FAM200B: variants seen among roughly 807,000 people sequenced by gnomAD.
FAM200B encodes the protein zinc finger BED-type containing 11, also known as protein FAM200B.
In FAM200B, 32 loss-of-function variants were observed where a neutral mutation model predicts 33.1. The observed-to-expected ratio is 0.97, with a 90% CI of 0.73 to 1.30. The LOEUF (loss-of-function observed/expected upper bound fraction) is 1.30, where lower values mean the gene tolerates loss of function less well. Among genes scored for constraint, FAM200B ranks in the 50% most tolerant of loss-of-function variants. The probability of loss-of-function intolerance (pLI) is 0.00; values close to 1 mark genes in which losing one functional copy is unlikely to be tolerated. For missense variants in FAM200B, 741 were observed against 754.0 expected (o/e 0.98, Z 0.20); for synonymous variants, 240 against 264.8 (o/e 0.91, Z 0.91).
At chr4:15,668,580 G>C in the FAM200B span, among the ~76,000 whole-genome samples, 2 of 151,936 alleles carry the variant, frequency 1.3e-5, no homozygotes, top group Non-Finnish European at 2.9e-5. Context: ...AAAAAAGGAA[G>C]TATAAAAGAT....
intron 1 of FAM200B, among the ~76,000 whole-genome samples, chr4:15,682,614 A>T (rs1018106811): frequency 1.3e-5 from 2 of 152,194 alleles, no homozygotes; most frequent in Admixed American, 1.3e-4. Flanking sequence ...ACTCCACCTT[A>T]TTCATCTTAA....
chr4:15,654,426 T>C, the FAM200B span, among the ~76,000 whole-genome samples: 14 of 152,314 alleles, frequency 9.2e-5, no homozygotes, highest in Middle Eastern at 3.4e-3. Context: ...GCACCAATTA[T>C]GGGCCCAAAA....
chr4:15,666,956 C>T, the FAM200B span, among the ~76,000 whole-genome samples: 1 of 151,096 alleles, frequency 6.6e-6, no homozygotes. Context: ...TATATCAAAA[C>T]ATCACATTGT....
chr4:15,689,085 AT>A lies in FAM200B; in HGVS notation c.*138del. 2 of 720,430 alleles carry A rather than the reference AT, an allele frequency of 2.8e-6. No individual in the cohort carries two copies. The highest frequency in any genetic ancestry group is 4.0e-6 in the Non-Finnish European group (2 of 502,440). The allele number at this position is 720,430 out of a possible 1,614,324, so 44.6% of individuals were successfully genotyped here. ...AATTTTTGTTATATTTAATAAAATTATTTTATGTTCATTGAACAAAAATTTA... is the reference window on the plus strand; with the variant it reads ...AATTTTTGTTATATTTAATAAAATTATTTATGTTCATTGAACAAAAATTTA... On this transcript the variant is annotated 3_prime_UTR_variant, in exon 2 of 2. Transcript: ENST00000422728.
the FAM200B span, among the ~76,000 whole-genome samples, chr4:15,658,288 A>G: frequency 6.6e-5 from 10 of 152,332 alleles, no homozygotes; most frequent in African/African-American, 2.4e-4. Flanking sequence ...ACCAGAGTTG[A>G]TCCTTACTGT....
the FAM200B span, among the ~76,000 whole-genome samples, chr4:15,639,349 C>T: frequency 6.6e-6 from 1 of 152,176 alleles, no homozygotes; most frequent in African/African-American, 2.4e-5. Context: ...AACTGAACTC[C>T]ACCCAAACAG....
chr4:15,681,404 T>A (rs765783576), upstream of FAM200B: 5 of 173,412 alleles, frequency 2.9e-5, no homozygotes, highest in Non-Finnish European at 6.8e-5. Context: ...GGTTGTGGTG[T>A]GGCTGCTGCG....
At chr4:15,655,484 C>T in the FAM200B span, 15 of 743,870 alleles carry the variant, frequency 2.0e-5, no homozygotes, top group Non-Finnish European at 2.5e-5. Context: ...CGTGACCGGG[C>T]GCGCGCAGAG....
At chr4:15,654,600 G>T in the FAM200B span, among the ~76,000 whole-genome samples, 3 of 152,234 alleles carry the variant, frequency 2.0e-5, no homozygotes. Flanking sequence ...AAGAGTGAAG[G>T]TTCTTCAGTT....
the FAM200B span, among the ~76,000 whole-genome samples, chr4:15,640,393 G>GAAAAAAAAAAAAAA: frequency 1.1e-5 from 1 of 91,600 alleles, no homozygotes; most frequent in Admixed American, 1.3e-4. Flanking sequence ...CTACACTACT[G>GAAAAAAAAAAAAAA]AAAAAAAAAA....
the FAM200B span, among the ~76,000 whole-genome samples, chr4:15,648,009 T>C: frequency 6.6e-6 from 1 of 152,118 alleles, no homozygotes; most frequent in Non-Finnish European, 1.5e-5. Context: ...AGGTGTGGTG[T>C]GCACCACACC....
chr4:15,681,851 C>A lies in FAM200B; in HGVS notation c.-793C>A, dbSNP rs562369709. Reference sequence around the variant, plus strand: ...CAGAGGCGCAGCTCTGCTGGAGAGACCTGAGGCTTGCAGCGCTGGGCCCGG... The same window carrying A: ...CAGAGGCGCAGCTCTGCTGGAGAGAACTGAGGCTTGCAGCGCTGGGCCCGG... On this transcript the variant is annotated 5_prime_UTR_variant, in exon 1 of 2. Coordinates refer to ENST00000422728, the MANE Select transcript of FAM200B (RefSeq NM_001145191.2). 5.9e-5 allele frequency: 9 copies of A among 153,094 alleles called. No individual in the cohort carries two copies. In the East Asian group the frequency reaches 1.3e-3, roughly 23 times the overall value. 9.5% of individuals were successfully genotyped at this position (153,094 alleles called of 1,614,324 possible).
chr4:15,655,494 G>A, the FAM200B span: 294 of 602,280 alleles, frequency 4.9e-4, no homozygotes, highest in Non-Finnish European at 5.9e-4. Context: ...CGCGCGCAGA[G>A]GCTCGCGGCT....
rs1311011517 is a variant in FAM200B, at chr4:15,688,005, T to C, written c.1028T>C (p.Met343Thr). ...TCCAGAGAAATTCCACAGAATCTCA[T>C]GGAGGTATTGAAAAATGCAGTGAAA... is the stretch of plus-strand genomic sequence containing the variant. ...LASREIPQNL[M>T]EVLKNAVKVV... The change falls in exon 2 of 2, where the codon ATG becomes ACG. Residue 343 changes from methionine to threonine, a missense_variant. Physicochemically the swap from Met to Thr is moderately conservative, Grantham distance 81. Coordinates refer to ENST00000422728, the MANE Select transcript of FAM200B (RefSeq NM_001145191.2). 4.5e-6 allele frequency: 7 copies of C among 1,550,978 alleles called. No homozygotes were observed. The highest frequency in any genetic ancestry group is 6.1e-6 in the Non-Finnish European group (7 of 1,146,556).
the FAM200B span, chr4:15,655,126 C>A: frequency 3.4e-6 from 4 of 1,185,758 alleles, no homozygotes; most frequent in South Asian, 2.1e-5. Flanking sequence ...GCGGCGCAGG[C>A]CAGGCCGCCC....
At chr4:15,678,926 T>C (rs1219219569), upstream of FAM200B, among the ~76,000 whole-genome samples, 1 of 152,182 alleles carries the variant, frequency 6.6e-6, no homozygotes, top group Non-Finnish European at 1.5e-5. Context: ...AATGAACAAA[T>C]GCCTCTTAAA....
chr4:15,687,581 C>G lies in FAM200B; in HGVS notation c.604C>G (p.Leu202Val). The change falls in exon 2 of 2, where the codon CTT (leucine) becomes GTT (valine). Residue 202 changes from leucine (L) to valine (V), a missense_variant. Coordinates refer to ENST00000422728, the MANE Select transcript of FAM200B (RefSeq NM_001145191.2). Reference protein sequence around the residue: ...KTIPNDNTVSLRICTIAEHLE... With the variant: ...KTIPNDNTVSVRICTIAEHLE... ...TATACCTAATGATAACACAGTATCT[C>G]TTCGAATTTGTACTATTGCAGAACA... 6.4e-7 allele frequency: 1 copy of G among 1,550,644 alleles called. No individual in the cohort carries two copies. Among genetic ancestry groups the G allele is most frequent in the Non-Finnish European group, 8.7e-7 (1 of 1,146,390 alleles).
rs1016227285 is a variant in FAM200B, at chr4:15,683,580, CT to C, written c.-743+1685del. On this transcript the variant is annotated intron_variant, in intron 1 of 1. Transcript: ENST00000422728. Reference sequence around the variant, plus strand: ...TATATAGTAATATAAAAATAAGATACTTTTTTAATGTATATTTCTTTTTTTC... The same window carrying C: ...TATATAGTAATATAAAAATAAGATACTTTTTAATGTATATTTCTTTTTTTC... Among the ~76,000 whole-genome samples, 11 of 152,020 alleles carry C rather than the reference CT, an allele frequency of 7.2e-5. No individual in the cohort carries two copies. The East Asian group carries it at 1.4e-3, about 19-fold the overall frequency.
At chr4:15,682,608 C>T (rs984978326) in intron 1 of FAM200B, among the ~76,000 whole-genome samples, 1 of 152,156 alleles carries the variant, frequency 6.6e-6, no homozygotes, top group African/African-American at 2.4e-5. Context: ...TGTGTAACTC[C>T]ACCTTATTCA....
Sources: allele counts gnomAD v4.1 joint callset (sites outside exome capture counted in the v4.1 genomes callset), GRCh38; gene constraint gnomAD v4.1.1; transcripts MANE v1.5; gene names NCBI Gene and HGNC (gene_info 2026-07-23, HGNC 2026-07-21).